Variants in ZBTB16 observed in about 807,000 individuals in gnomAD.
ZBTB16 encodes zinc finger and BTB domain-containing protein 16.
In ZBTB16, 8 loss-of-function variants were observed where a neutral mutation model predicts 56.8. The observed-to-expected ratio is 0.14, with a 90% CI of 0.08 to 0.25. The LOEUF is 0.25. Ranked by LOEUF, ZBTB16 falls within the 10% of genes least tolerant of loss-of-function variation. The pLI, the probability that ZBTB16 is intolerant of heterozygous loss-of-function variation, is 1.00. For missense variants in ZBTB16, 625 were observed against 903.0 expected, an observed-to-expected ratio of 0.69 and a Z score of 3.95; for synonymous variants, 363 against 368.5, an observed-to-expected ratio of 0.98 and a Z score of 0.17.
intron 3 of ZBTB16, among the ~76,000 whole-genome samples, chr11:114,186,587 C>T (rs1169084539): frequency 6.6e-6 from 1 of 150,862 alleles, no homozygotes; most frequent in Non-Finnish European, 1.5e-5. Flanking sequence ...ACAGTTTAGG[C>T]AACAGGGCAC....
chr11:114,231,028 G>A (rs1944434836), intron 4 of ZBTB16, among the ~76,000 whole-genome samples: 1 of 152,108 alleles, frequency 6.6e-6, no homozygotes, highest in Non-Finnish European at 1.5e-5. Flanking sequence ...CCTACTCCTG[G>A]GCTGCAGTTT....
At chr11:114,080,977 T>C (rs1372534429) in intron 2 of ZBTB16, among the ~76,000 whole-genome samples, 2 of 152,188 alleles carry the variant, frequency 1.3e-5, no homozygotes, top group Non-Finnish European at 2.9e-5. Flanking sequence ...GAATCATTTA[T>C]TGCAGCATGC....
chr11:114,157,298 A>G (rs1158344370), intron 3 of ZBTB16, among the ~76,000 whole-genome samples: 1 of 152,160 alleles, frequency 6.6e-6, no homozygotes, highest in African/African-American at 2.4e-5. Flanking sequence ...GAAAGGTTCA[A>G]ATCCTGTTTG....
At chr11:114,207,199 CATT>C (rs1943897048) in intron 4 of ZBTB16, among the ~76,000 whole-genome samples, 2 of 152,142 alleles carry the variant, frequency 1.3e-5, no homozygotes, top group South Asian at 4.2e-4. Flanking sequence ...AAAGCATCAT[CATT>C]GTCTTACCCC....
At chr11:114,243,746 T>C (rs1944760688) in intron 5 of ZBTB16, among the ~76,000 whole-genome samples, 1 of 152,228 alleles carries the variant, frequency 6.6e-6, no homozygotes. Context: ...GAAAGATGGC[T>C]AGATACCTTT....
At chr11:114,086,631 A>T (rs925994526) in intron 2 of ZBTB16, among the ~76,000 whole-genome samples, 5 of 152,310 alleles carry the variant, frequency 3.3e-5, no homozygotes, top group African/African-American at 9.6e-5. Context: ...ACTATGGACA[A>T]AGCACTTTAC....
intron 4 of ZBTB16, among the ~76,000 whole-genome samples, chr11:114,190,981 G>A (rs1943478994): frequency 6.6e-6 from 1 of 152,158 alleles, no homozygotes; most frequent in Non-Finnish European, 1.5e-5. Context: ...AAGGCAAAGG[G>A]GGTGCAGGCA....
intron 3 of ZBTB16, among the ~76,000 whole-genome samples, chr11:114,163,072 G>A (rs539723198): frequency 2.0e-5 from 3 of 152,188 alleles, no homozygotes; most frequent in Admixed American, 6.5e-5. Context: ...GTCCAAGCCC[G>A]TACACGGGAG....
At chr11:114,082,987 C>T (rs780621136) in intron 2 of ZBTB16, among the ~76,000 whole-genome samples, 1 of 152,216 alleles carries the variant, frequency 6.6e-6, no homozygotes, top group Non-Finnish European at 1.5e-5. Context: ...AGATAAGGGC[C>T]CCAACGTTGT....
rs1784689 is a variant in ZBTB16 at position 114,064,856 on chromosome 11, G to C, written c.1268+288G>C. Among the ~76,000 whole-genome samples, 1 of 152,130 alleles carries C rather than the reference G, an allele frequency of 6.6e-6. No homozygotes were observed. Among genetic ancestry groups the C allele is most frequent in the African/African-American group, 2.4e-5 (1 of 41,386 alleles). On this transcript the variant is annotated intron_variant, in intron 2 of 6. Coordinates refer to ENST00000335953, the MANE Select transcript of ZBTB16 (RefSeq NM_006006.6). The surrounding 1 kb of genome is among the most constrained non-coding windows in gnomAD (Gnocchi z 4.2). ...CTTTTGGGCCCCTGTTTGTTTTTTC[G>C]GCTGTTTGGTCTGTTCTCCTTTGCT...
intron 2 of ZBTB16, among the ~76,000 whole-genome samples, chr11:114,087,180 C>T (rs1230704190): frequency 2.0e-5 from 3 of 152,184 alleles, no homozygotes; most frequent in Non-Finnish European, 4.4e-5. Flanking sequence ...GGTTGTTCAT[C>T]GATGTCTGTT....
intron 3 of ZBTB16, among the ~76,000 whole-genome samples, chr11:114,160,086 C>T (rs571419467): frequency 6.6e-6 from 1 of 152,272 alleles, no homozygotes; most frequent in East Asian, 1.9e-4. Flanking sequence ...CAGAGCCGAA[C>T]GGCTCTCACT....
In ZBTB16 at chr11:114,060,026, T is replaced by A. The variant is rs1486791581; in HGVS notation, c.-91+144T>A. The stretch of plus-strand genomic sequence containing the variant: ...TGCCTTTTTTATTTGGCGTGTTCCC[T>A]TCCTGCCGCTGCAGCCGTCGCCGCC... On this transcript the variant is annotated intron_variant, in intron 1 of 6. Transcript: ENST00000335953. This position sits in a 1 kb window ranked among gnomAD's most constrained non-coding sequence, Gnocchi z 6.0. 2.6e-6 allele frequency: 1 copy of A among 378,116 alleles called. No individual in the cohort carries two copies. The highest frequency in any genetic ancestry group is 2.1e-5 in the African/African-American group (1 of 47,974). 23.4% of individuals were successfully genotyped at this position (378,116 alleles called of 1,614,324 possible).
At chr11:114,226,988 G>T (rs1454052014) in intron 4 of ZBTB16, among the ~76,000 whole-genome samples, 1 of 152,032 alleles carries the variant, frequency 6.6e-6, no homozygotes, top group Non-Finnish European at 1.5e-5. Context: ...TTGCCTAAAA[G>T]CCTCTCCCTC....
At chr11:114,145,965 G>A (rs1345242009) in intron 2 of ZBTB16, among the ~76,000 whole-genome samples, 1 of 152,202 alleles carries the variant, frequency 6.6e-6, no homozygotes, top group Non-Finnish European at 1.5e-5. Context: ...ACTGAAAATT[G>A]TGTTAAATGT....
At chr11:114,185,199 A>C (rs1458888100) in intron 3 of ZBTB16, among the ~76,000 whole-genome samples, 1 of 152,114 alleles carries the variant, frequency 6.6e-6, no homozygotes, top group Non-Finnish European at 1.5e-5. Context: ...ACAGACAGAG[A>C]CCCTATCTCA....
intron 2 of ZBTB16, among the ~76,000 whole-genome samples, chr11:114,124,419 C>T (rs1478673818): frequency 6.6e-6 from 1 of 151,858 alleles, no homozygotes; most frequent in East Asian, 1.9e-4. Context: ...CTCCCTGAAC[C>T]TCTTTCGCCA....
chr11:114,173,738 A>G (rs1388352256), intron 3 of ZBTB16, among the ~76,000 whole-genome samples: 2 of 152,226 alleles, frequency 1.3e-5, no homozygotes, highest in Non-Finnish European at 2.9e-5. Context: ...ATTAACTAGG[A>G]TGCTCAGAGA....
chr11:114,092,058 C>T (rs566376636), intron 2 of ZBTB16, among the ~76,000 whole-genome samples: 3 of 152,280 alleles, frequency 2.0e-5, no homozygotes, highest in African/African-American at 4.8e-5. Context: ...CTGTGCTGGC[C>T]GGCAGCTCTG....
Sources: gnomAD v4.1 joint callset for allele counts (sites outside exome capture counted in the v4.1 genomes callset) on GRCh38, gnomAD v4.1.1 for gene constraint, Gnocchi (gnomAD v3.1) non-coding constraint, MANE v1.5 for transcripts, NCBI Gene and HGNC (gene_info 2026-07-23, HGNC 2026-07-21) for gene names.